Variants in UNC45B observed in about 807,000 individuals in gnomAD.
UNC45B encodes the protein protein unc-45 homolog B.
A neutral mutation model predicts 98.7 loss-of-function variants in UNC45B; 78 were observed. The observed-to-expected ratio is 0.79, with a 90% CI of 0.66 to 0.95. UNC45B has a LOEUF of 0.95. UNC45B is among the 40% of genes least tolerant of loss of function. The probability of loss-of-function intolerance (pLI) is 0.00; values close to 1 mark genes in which losing one functional copy is unlikely to be tolerated. For missense variants in UNC45B, 1,225 were observed against 1,184.9 expected (o/e 1.03, Z -0.50); for synonymous variants, 462 against 480.4 (o/e 0.96, Z 0.50).
chr17:35,156,544 T>A (rs1254376306), intron 7 of UNC45B, among the ~76,000 whole-genome samples: 1 of 152,100 alleles, frequency 6.6e-6, no homozygotes, highest in Non-Finnish European at 1.5e-5. Context: ...AAGAATCGTT[T>A]GAGCCGGGGA....
chr17:35,153,090 A>G (rs2092032831), intron 5 of UNC45B, 108 bp downstream of exon 5: 7 of 959,024 alleles, frequency 7.3e-6, no homozygotes, highest in Non-Finnish European at 1.1e-5. Flanking sequence ...GCAGCCCAGG[A>G]AGGAAAATTG....
At chr17:35,153,495 T>C (rs2033179320) in intron 5 of UNC45B, among the ~76,000 whole-genome samples, 1 of 152,146 alleles carries the variant, frequency 6.6e-6, no homozygotes, top group Admixed American at 6.5e-5. Flanking sequence ...CTTTTTTTTT[T>C]ATGTTTCCTT....
At chr17:35,149,363 C>T (rs890576381) in intron 3 of UNC45B, among the ~76,000 whole-genome samples, 26 of 152,070 alleles carry the variant, frequency 1.7e-4, no homozygotes, top group African/African-American at 5.8e-4. Context: ...GATTAAGCTG[C>T]CTGGCTGTCT....
At position 35,189,183 on chromosome 17, in the gene UNC45B, A is replaced by C. The variant is rs186696457; in HGVS notation, c.*2624A>C. The C allele has an allele frequency of 9.6e-4, 147 of 152,342 alleles. 1 individual carries two copies. Among genetic ancestry groups the C allele is most frequent in the African/African-American group, 3.3e-3 (138 of 41,578 alleles). The allele number at this position is 152,342 out of a possible 1,614,324, so 9.4% of individuals were successfully genotyped here. On this transcript the variant is annotated 3_prime_UTR_variant, in exon 20 of 20. Transcript: ENST00000394570. ...CTTTTAACTGAAGTATGTTGTTATC[A>C]GAGAACTTGGTCTGTGTCATATTAA...
At chr17:35,153,477 CTTG>C (rs1165935240) in intron 5 of UNC45B, among the ~76,000 whole-genome samples, 1 of 141,334 alleles carries the variant, frequency 7.1e-6, no homozygotes, top group African/African-American at 2.6e-5. Flanking sequence ...CTTAACCAAA[CTTG>C]TTACCTTTTT....
chr17:35,184,152 G>C (rs979731015), intron 19 of UNC45B, among the ~76,000 whole-genome samples: 14 of 152,168 alleles, frequency 9.2e-5, no homozygotes, highest in African/African-American at 2.9e-4. Flanking sequence ...TCAATTCAAA[G>C]GTGTTCATGT....
chr17:35,179,910 A>G (rs1392893758), intron 17 of UNC45B, among the ~76,000 whole-genome samples: 1 of 152,190 alleles, frequency 6.6e-6, no homozygotes, highest in Non-Finnish European at 1.5e-5. Context: ...ATTAAAAAAA[A>G]AAAGATATCC....
rs369639821 is a variant in UNC45B, at chr17:35,177,536, A to C, written c.2181A>C (p.Thr727=). The C allele has an allele frequency of 1.9e-6, 3 of 1,567,784 alleles. No individual in the cohort carries two copies. The African/African-American group carries it at 4.1e-5, about 21-fold the overall frequency. ...GGCCCCTTGTAAGACTCTTGGACAC[A>C]CAGAGGGATGGGCTTCAGAACTATG... is the stretch of plus-strand genomic sequence containing the variant. The part of the protein sequence containing the change: ...VVRPLVRLLD[T]QRDGLQNYEA... Residue 727 remains threonine (T), a synonymous_variant, in exon 17 of 20, where the codon ACA becomes ACC. Coordinates refer to ENST00000394570, the MANE Select transcript of UNC45B (RefSeq NM_001267052.2).
chr17:35,148,254 G>C lies in UNC45B; in HGVS notation c.1-10G>C. The C allele has an allele frequency of 6.2e-7, 1 of 1,613,980 alleles. No homozygotes were observed. The highest frequency in any genetic ancestry group is 8.5e-7 in the Non-Finnish European group (1 of 1,179,956). ...GGGCTGACCAGACAGAGCTTCTCCT[G>C]TCCCAGCAGATGGCAGAGGTGGAAG... is the stretch of plus-strand genomic sequence containing the variant. On this transcript the variant is annotated splice_polypyrimidine_tract_variant and intron_variant, in intron 1 of 19. Coordinates refer to ENST00000394570, the MANE Select transcript of UNC45B (RefSeq NM_001267052.2).
Position 35,180,289 on chromosome 17 carries a change from A to AGAGAGAGAGAGAGAG in UNC45B, c.2256-270_2256-269insGAGAGAGAGAGAGAG, listed in dbSNP as rs57021893. Among the ~76,000 whole-genome samples the AGAGAGAGAGAGAGAG allele has an allele frequency of 1.8e-4, 27 of 147,288 alleles. No homozygotes were observed. The East Asian group carries it at 2.0e-3, about 11-fold the overall frequency. On this transcript the variant is annotated intron_variant, in intron 17 of 19. Transcript: ENST00000394570. ...GAGAGAGAGAGAGAGAGAGAGAGAGAATTTCTTTACTGCAATAATACAGAG... is the reference window on the plus strand; with the variant it reads ...GAGAGAGAGAGAGAGAGAGAGAGAGAGAGAGAGAGAGAGAGATTTCTTTACTGCAATAATACAGAG...
At chr17:35,153,335 G>A (rs1259574497) in intron 5 of UNC45B, among the ~76,000 whole-genome samples, 1 of 152,144 alleles carries the variant, frequency 6.6e-6, no homozygotes, top group Non-Finnish European at 1.5e-5. Flanking sequence ...CCCAAGGCAA[G>A]TACCTCACTG....
At chr17:35,166,273 A>C (rs2092140789) in intron 9 of UNC45B, among the ~76,000 whole-genome samples, 1 of 151,676 alleles carries the variant, frequency 6.6e-6, no homozygotes, top group African/African-American at 2.4e-5. Flanking sequence ...GTCTCAAATA[A>C]AATAAAATAA....
chr17:35,176,597 T>C (rs2092235479), intron 15 of UNC45B, among the ~76,000 whole-genome samples: 1 of 152,154 alleles, frequency 6.6e-6, no homozygotes, highest in African/African-American at 2.4e-5. Context: ...GGAGACTTGC[T>C]TGAACCCAGG....
chr17:35,158,455 A>G (rs2092079087), intron 7 of UNC45B, among the ~76,000 whole-genome samples: 1 of 152,202 alleles, frequency 6.6e-6, no homozygotes, highest in Non-Finnish European at 1.5e-5. Context: ...CAGGTCACAT[A>G]AGCAGCCCAG....
chr17:35,180,969 C>T (rs1455175018), intron 18 of UNC45B, among the ~76,000 whole-genome samples: 1 of 152,092 alleles, frequency 6.6e-6, no homozygotes, highest in Non-Finnish European at 1.5e-5. Context: ...CCCAAATAAC[C>T]TTAAAACAAA....
rs150737079 is a variant in UNC45B at position 35,168,128 on chromosome 17, C to G, written c.1219C>G (p.Gln407Glu). 1.0e-4 allele frequency: 163 copies of G among 1,594,246 alleles called. No individual in the cohort carries two copies. In the African/African-American group the frequency reaches 1.9e-3, roughly 18 times the overall value. ...CATCCAGACAGTGTCAGGGATCCTG[C>G]AGGGCCCCTTTGACCTGGGCAACCA... ...NAIQTVSGIL[Q>E]GPFDLGNQLL... The change falls in exon 10 of 20, where the codon CAG (glutamine) becomes GAG (glutamate). Residue 407 changes from glutamine to glutamate, a missense_variant. By Grantham distance (29) the Gln-to-Glu change is conservative (BLOSUM62 2). Transcript: ENST00000394570.
chr17:35,154,352 G>A (rs778290583), intron 5 of UNC45B, among the ~76,000 whole-genome samples: 2 of 152,064 alleles, frequency 1.3e-5, no homozygotes, highest in Non-Finnish European at 2.9e-5. Flanking sequence ...TTTAATGGCT[G>A]CAATATATTT....
chr17:35,174,288 C>G lies in UNC45B; in HGVS notation c.1877C>G (p.Ala626Gly), dbSNP rs780354757. 2.0e-5 allele frequency: 33 copies of G among 1,614,002 alleles called. No homozygotes were observed. In the Admixed American group the frequency reaches 5.3e-4, roughly 26 times the overall value. ...IDMRVKRLLK[A>G]GVISALACMV... ...ATGCGGGTGAAGCGGCTTCTGAAGG[C>G]GGGTGTCATCTCTGCCCTGGCTTGC... Residue 626 changes from alanine (A) to glycine (G), a missense_variant, in exon 14 of 20, where the codon GCG becomes GGG. Ala to Gly is a moderately conservative substitution (Grantham distance 60). Transcript: ENST00000394570.
chr17:35,171,221 C>A, intron 12 of UNC45B, 101 bp from the exon 13 acceptor site: 1 of 1,496,674 alleles, frequency 6.7e-7, no homozygotes, highest in South Asian at 1.3e-5. Context: ...TGCACTCCTC[C>A]GACACCAACC....
Sources: allele counts gnomAD v4.1 joint callset (sites outside exome capture counted in the v4.1 genomes callset), GRCh38; gene constraint gnomAD v4.1.1; transcripts MANE v1.5; gene names NCBI Gene and HGNC (gene_info 2026-07-23, HGNC 2026-07-21).